TIAM2: variants seen among roughly 807,000 people sequenced by gnomAD.
The protein encoded by TIAM2 is TIAM Rac1 associated GEF 2, also known as rho guanine nucleotide exchange factor TIAM2.
In TIAM2, 80 loss-of-function variants were observed where a neutral mutation model predicts 152.9. The ratio of observed to expected loss-of-function variants is 0.52; its 90% CI spans 0.44 to 0.63. TIAM2 has a LOEUF of 0.63. TIAM2 is among the 30% of genes least tolerant of loss of function. The probability of loss-of-function intolerance (pLI) is 0.00; values close to 1 mark genes in which losing one functional copy is unlikely to be tolerated. For missense variants in TIAM2, 1,965 were observed against 2,120.1 expected, an observed-to-expected ratio of 0.93 and a Z score of 1.44; for synonymous variants, 804 against 838.0, an observed-to-expected ratio of 0.96 and a Z score of 0.70.
At chr6:155,187,727 C>A (rs1781084199) in intron 14 of TIAM2, among the ~76,000 whole-genome samples, 1 of 151,944 alleles carries the variant, frequency 6.6e-6, no homozygotes, top group Admixed American at 6.5e-5. Flanking sequence ...TACAGGCATG[C>A]ACCACCACGC....
intron 1 of TIAM2, among the ~76,000 whole-genome samples, chr6:155,018,943 G>A (rs1315449138): frequency 2.7e-5 from 4 of 149,662 alleles, no homozygotes; most frequent in African/African-American, 9.9e-5. Flanking sequence ...GGGAGGCTGA[G>A]GCAGGAAAAT....
At chr6:155,065,102 C>G (rs1233918970) in intron 1 of TIAM2, among the ~76,000 whole-genome samples, 2 of 152,010 alleles carry the variant, frequency 1.3e-5, no homozygotes, top group Non-Finnish European at 2.9e-5. Context: ...TACAGGCACC[C>G]GACACCACGC....
At chr6:155,182,657 ATG>A (rs545541778) in intron 13 of TIAM2, among the ~76,000 whole-genome samples, 1 of 151,732 alleles carries the variant, frequency 6.6e-6, no homozygotes. Context: ...TAGAGAGAGC[ATG>A]TGTGTGTGTG....
At chr6:155,134,601 A>G (rs1009851492) in intron 4 of TIAM2, among the ~76,000 whole-genome samples, 3 of 152,066 alleles carry the variant, frequency 2.0e-5, no homozygotes, top group African/African-American at 7.2e-5. Context: ...AGGTAATTCC[A>G]GTGTTTTTGG....
chr6:155,006,387 G>C (rs542168945), intron 1 of TIAM2, among the ~76,000 whole-genome samples: 1 of 151,588 alleles, frequency 6.6e-6, no homozygotes, highest in Admixed American at 6.6e-5. Context: ...TCGGAGTCTC[G>C]ATCGGGCATG....
chr6:155,051,321 G>A (rs1028544458), intron 1 of TIAM2, among the ~76,000 whole-genome samples: 56 of 152,302 alleles, frequency 3.7e-4, no homozygotes, highest in African/African-American at 1.3e-3. Flanking sequence ...AGCAGAGCCC[G>A]CTTACTCCCA....
At position 155,137,172 on chromosome 6, in the gene TIAM2, C is replaced by T. The variant is rs374961700; in HGVS notation, c.1195-5C>T. 3 of 1,609,938 alleles carry T rather than the reference C, an allele frequency of 1.9e-6. No homozygotes were observed. In the African/African-American group the frequency reaches 4.0e-5, roughly 22 times the overall value. On this transcript the variant is annotated splice_polypyrimidine_tract_variant and splice_region_variant and intron_variant, in intron 4 of 26. Transcript: ENST00000682666. ...CTGATGGGTGATCATGTGTGTTTCT[C>T]ACAGGAGCCGAGGTCCAAGGAGGGC...
intron 1 of TIAM2, among the ~76,000 whole-genome samples, chr6:155,002,121 TAATACAGCTGGGTGTAGTGGCTCAC>T (rs1778323556): frequency 1.3e-5 from 2 of 152,138 alleles, no homozygotes; most frequent in African/African-American, 4.8e-5. Flanking sequence ...TGAATTAACA[TAATACAGCTGGGTGTAGTGGCTCAC>T]GCCCATAATC....
chr6:155,080,065 T>A (rs1359697767), intron 1 of TIAM2, among the ~76,000 whole-genome samples: 1 of 152,226 alleles, frequency 6.6e-6, no homozygotes, highest in South Asian at 2.1e-4. Context: ...GAAACTCTCA[T>A]GTGTTCCTTT....
At chr6:155,198,077 A>G (rs983355544) in intron 14 of TIAM2, among the ~76,000 whole-genome samples, 4 of 152,206 alleles carry the variant, frequency 2.6e-5, no homozygotes, top group Non-Finnish European at 5.9e-5. Flanking sequence ...CTTCTCTTTT[A>G]CAATTGTAGT....
At chr6:155,199,087 CAA>C (rs1187550657) in intron 14 of TIAM2, among the ~76,000 whole-genome samples, 3 of 150,214 alleles carry the variant, frequency 2.0e-5, no homozygotes, top group Non-Finnish European at 4.4e-5. Flanking sequence ...TTTTTAATTA[CAA>C]AAAAAGTTTT....
intron 1 of TIAM2, among the ~76,000 whole-genome samples, chr6:155,056,275 G>A (rs1183866731): frequency 2.7e-5 from 4 of 149,538 alleles, no homozygotes; most frequent in South Asian, 2.1e-4. Flanking sequence ...GGGTTCAAGC[G>A]ATTCTCCTGG....
At chr6:155,141,512 G>A (rs1248146458) in intron 5 of TIAM2, among the ~76,000 whole-genome samples, 3 of 152,100 alleles carry the variant, frequency 2.0e-5, no homozygotes, top group Non-Finnish European at 2.9e-5. Flanking sequence ...AAACCATCTG[G>A]TTATCTGCCT....
At chr6:155,047,726 CGAGAGAGAGAGAGAGA>C (rs763117085) in intron 1 of TIAM2, among the ~76,000 whole-genome samples, 1 of 37,032 alleles carries the variant, frequency 2.7e-5, no homozygotes, top group South Asian at 8.1e-4. Flanking sequence ...AGAGAGAGAG[CGAGAGAGAGAGAGAGA>C]GAGCGAGCGC....
At chr6:155,252,259 C>G (rs990570452) in intron 23 of TIAM2, among the ~76,000 whole-genome samples, 11 of 152,064 alleles carry the variant, frequency 7.2e-5, no homozygotes, top group Non-Finnish European at 1.5e-4. Flanking sequence ...GAGGCTTGAG[C>G]CCAGGAATTT....
chr6:155,092,714 G>T (rs979983838), intron 2 of TIAM2, among the ~76,000 whole-genome samples: 13 of 151,916 alleles, frequency 8.6e-5, no homozygotes, highest in Non-Finnish European at 1.9e-4. Flanking sequence ...AATTAGCCAG[G>T]CTTGGTAGTG....
intron 1 of TIAM2, among the ~76,000 whole-genome samples, chr6:155,061,211 ATCTC>A (rs1361486559): frequency 6.6e-6 from 1 of 152,172 alleles, no homozygotes; most frequent in Non-Finnish European, 1.5e-5. Flanking sequence ...CTGTGTGTCT[ATCTC>A]TCAATCAAAA....
chr6:155,114,050 C>CTTTTTTTTTTTTT (rs1275422426), intron 2 of TIAM2, among the ~76,000 whole-genome samples: 1 of 58,262 alleles, frequency 1.7e-5, no homozygotes, highest in Non-Finnish European at 2.9e-5. Context: ...TTTTTTTTTT[C>CTTTTTTTTTTTTT]TTTTTTTTTT....
intron 1 of TIAM2, among the ~76,000 whole-genome samples, chr6:155,051,345 G>A (rs570063943): frequency 1.1e-3 from 169 of 152,208 alleles, no homozygotes; most frequent in Non-Finnish European, 2.0e-3. Flanking sequence ...ATGGGTGCCC[G>A]TGATTTGAGC....
Sources: gnomAD v4.1 joint callset for allele counts (sites outside exome capture counted in the v4.1 genomes callset) on GRCh38, gnomAD v4.1.1 for gene constraint, MANE v1.5 for transcripts, NCBI Gene and HGNC (gene_info 2026-07-23, HGNC 2026-07-21) for gene names.